Variants in FBXO31 observed in about 807,000 individuals in gnomAD.
The protein encoded by FBXO31 is F-box protein 31.
Under a neutral mutation model 54.4 loss-of-function variants are expected in FBXO31, and 24 were observed. The ratio of observed to expected loss-of-function variants is 0.44; its 90% CI spans 0.32 to 0.62. The LOEUF (loss-of-function observed/expected upper bound fraction) is 0.62. Ranked by LOEUF, FBXO31 falls within the 20% of genes least tolerant of loss-of-function variation. FBXO31 has a pLI of 0.05. For missense variants in FBXO31, 665 were observed against 787.1 expected (o/e 0.84, Z 1.86); for synonymous variants, 388 against 335.6 (o/e 1.16, Z -1.71).
At chr16:87,349,111 C>G (rs554668859) in intron 2 of FBXO31, among the ~76,000 whole-genome samples, 8 of 152,280 alleles carry the variant, frequency 5.3e-5, no homozygotes, top group Admixed American at 5.2e-4. Flanking sequence ...CAACTCAAAT[C>G]CACACTCAGC....
At chr16:87,391,903 G>C (rs1309947668), upstream of FBXO31, 1 of 152,470 alleles carries the variant, frequency 6.6e-6, no homozygotes, top group Non-Finnish European at 1.5e-5. Context: ...TCTCTCTGGA[G>C]GGGAAAGGAT....
chr16:87,384,574 G>C (rs1384717614), upstream of FBXO31, among the ~76,000 whole-genome samples: 1 of 152,226 alleles, frequency 6.6e-6, no homozygotes, highest in South Asian at 2.1e-4. Context: ...TCGTCTCCCA[G>C]GTCCGCGGGT....
chr16:87,377,083 G>A (rs943349738), intron 1 of FBXO31, among the ~76,000 whole-genome samples: 8 of 152,210 alleles, frequency 5.3e-5, no homozygotes, highest in Admixed American at 1.3e-4. Flanking sequence ...TGTTTACCAC[G>A]TTCGTAACTT....
intron 2 of FBXO31, among the ~76,000 whole-genome samples, chr16:87,349,143 C>T (rs990578403): frequency 6.6e-6 from 1 of 152,150 alleles, no homozygotes; most frequent in Non-Finnish European, 1.5e-5. Context: ...AATGTCATCC[C>T]AACTCAAATC....
At position 87,346,520 on chromosome 16, in the gene FBXO31, G is replaced by C. The variant is rs912920871; in HGVS notation, c.489+654C>G. 1.3e-5 allele frequency among the ~76,000 whole-genome samples: 2 copies of C among 152,224 alleles called. No homozygotes were observed. Among genetic ancestry groups the C allele is most frequent in the African/African-American group, 2.4e-5 (1 of 41,454 alleles). ...CCCAGGACTAGACAGGCACTGCCAT[G>C]GCAGACCCAACGAACAGGAAAGAAA... On this transcript the variant is annotated intron_variant, in intron 3 of 8. Coordinates refer to ENST00000311635, the MANE Select transcript of FBXO31 (RefSeq NM_024735.5). This position sits in a 1 kb window ranked among gnomAD's most constrained non-coding sequence, Gnocchi z 4.2.
intron 1 of FBXO31, among the ~76,000 whole-genome samples, chr16:87,374,072 T>C (rs965728186): frequency 3.9e-5 from 6 of 152,050 alleles, no homozygotes; most frequent in Non-Finnish European, 8.8e-5. Flanking sequence ...AGAACCCATC[T>C]CTACAAAAAA....
chr16:87,383,452 CG>C lies in FBXO31; in HGVS notation c.292del (p.Arg98GlyfsTer63). On this transcript the variant is annotated frameshift_variant, in exon 1 of 9. Coordinates refer to ENST00000311635, the MANE Select transcript of FBXO31 (RefSeq NM_024735.5). LOFTEE classifies it high-confidence loss of function. The surrounding 1 kb of genome is among the most constrained non-coding windows in gnomAD (Gnocchi z 4.9). ...GATGGTGTCGGTGTGGAGGATGCGC[CG>C]GAACTTCGTGCAGACCTGGGCCAAG... ...PSLAQVCTKF[R>X]RILHTDTIWR... The C allele has an allele frequency of 6.3e-7, 1 of 1,589,752 alleles. No homozygotes were observed. Among genetic ancestry groups the C allele is most frequent in the Non-Finnish European group, 8.5e-7 (1 of 1,171,724 alleles).
chr16:87,365,553 A>C (rs892630848), intron 1 of FBXO31, among the ~76,000 whole-genome samples: 2 of 152,148 alleles, frequency 1.3e-5, no homozygotes, highest in African/African-American at 4.8e-5. Flanking sequence ...CCCAGGCATC[A>C]CCATCTCAGC....
chr16:87,354,774 C>A (rs559417461), intron 2 of FBXO31, among the ~76,000 whole-genome samples: 11 of 152,174 alleles, frequency 7.2e-5, no homozygotes, highest in African/African-American at 2.6e-4. Context: ...TTGAGACAAG[C>A]CTGGCCAAAC....
In FBXO31 at chr16:87,338,083, A is replaced by C. The variant is rs1212694811; in HGVS notation, c.733-1819T>G. On this transcript the variant is annotated intron_variant, in intron 5 of 8. Transcript: ENST00000311635. This position sits in a 1 kb window ranked among gnomAD's most constrained non-coding sequence, Gnocchi z 4.3. ...AGTACTGCGACTTCAACTTGACACC[A>C]TCAGGAAGATGAGCATGTGTAGCCA... is the stretch of plus-strand genomic sequence containing the variant. Among the ~76,000 whole-genome samples, 1 of 152,186 alleles carries C rather than the reference A, an allele frequency of 6.6e-6. No individual in the cohort carries two copies. Among genetic ancestry groups the C allele is most frequent in the Non-Finnish European group, 1.5e-5 (1 of 68,030 alleles).
chr16:87,339,018 G>A (rs958332209), intron 5 of FBXO31, among the ~76,000 whole-genome samples: 1 of 152,226 alleles, frequency 6.6e-6, no homozygotes, highest in Non-Finnish European at 1.5e-5. Context: ...CTGCCGCCAT[G>A]TAAGATGCGC....
At chr16:87,350,308 C>T (rs1251977519) in intron 2 of FBXO31, among the ~76,000 whole-genome samples, 4 of 152,186 alleles carry the variant, frequency 2.6e-5, no homozygotes, top group African/African-American at 9.7e-5. Context: ...AGACGCTAGA[C>T]TCCACCAACA....
chr16:87,373,348 AGGCT>A (rs201632805), intron 1 of FBXO31, among the ~76,000 whole-genome samples: 1,972 of 152,216 alleles, frequency 0.013, 22 homozygotes, highest in Middle Eastern at 0.068. Context: ...GCTACTCAGG[AGGCT>A]GAGGCAGGAG....
chr16:87,359,481 T>G (rs1172288860), intron 2 of FBXO31, among the ~76,000 whole-genome samples: 1 of 152,208 alleles, frequency 6.6e-6, no homozygotes, highest in Non-Finnish European at 1.5e-5. Context: ...GACATGACTT[T>G]TGGTGCTGAC....
At chr16:87,353,042 C>T (rs1905733474) in intron 2 of FBXO31, among the ~76,000 whole-genome samples, 1 of 152,154 alleles carries the variant, frequency 6.6e-6, no homozygotes, top group African/African-American at 2.4e-5. Flanking sequence ...GCTCAGGGGA[C>T]TCTACGGAAG....
intron 1 of FBXO31, among the ~76,000 whole-genome samples, chr16:87,372,731 CCTTT>C (rs1194188331): frequency 6.8e-6 from 1 of 146,748 alleles, no homozygotes; most frequent in African/African-American, 2.6e-5. Context: ...TGGTTAATTT[CCTTT>C]TTTTTTTTTT....
intron 1 of FBXO31, among the ~76,000 whole-genome samples, chr16:87,363,729 G>C (rs1316277210): frequency 6.6e-6 from 1 of 152,176 alleles, no homozygotes; most frequent in Non-Finnish European, 1.5e-5. Context: ...CTCTGTGAGA[G>C]TCTCCTGAGA....
chr16:87,346,296 A>G lies in FBXO31; in HGVS notation c.489+878T>C, dbSNP rs1367559038. Among the ~76,000 whole-genome samples the G allele has an allele frequency of 6.6e-6, 1 of 152,170 alleles. No homozygotes were observed. The highest frequency in any genetic ancestry group is 1.5e-5 in the Non-Finnish European group (1 of 68,030). ...TTGAGGAGACCAGGCCACGGCACCC[A>G]GCAAGTGCCCAGGCGCACAGTGAGG... On this transcript the variant is annotated intron_variant, in intron 3 of 8. Transcript: ENST00000311635. This position sits in a 1 kb window ranked among gnomAD's most constrained non-coding sequence, Gnocchi z 4.2.
chr16:87,363,901 C>T (rs915929962), intron 1 of FBXO31, among the ~76,000 whole-genome samples: 9 of 152,316 alleles, frequency 5.9e-5, no homozygotes, highest in Middle Eastern at 3.4e-3. Flanking sequence ...CTCCCCCTTC[C>T]GAGCTCTCAA....
Sources: gnomAD v4.1 joint callset for allele counts (sites outside exome capture counted in the v4.1 genomes callset) on GRCh38, gnomAD v4.1.1 for gene constraint, Gnocchi (gnomAD v3.1) non-coding constraint, MANE v1.5 for transcripts, NCBI Gene and HGNC (gene_info 2026-07-23, HGNC 2026-07-21) for gene names.